The following CCS variants were observed in gnomAD, a reference collection of about 807,000 sequenced individuals.
The protein encoded by CCS is superoxide dismutase copper chaperone.
Under a neutral mutation model 35.5 loss-of-function variants are expected in CCS, and 32 were observed. That is an observed-to-expected ratio of 0.90 (90% CI 0.68 to 1.21). CCS has a LOEUF of 1.21. Among genes scored for constraint, CCS ranks in the 50% most tolerant of loss-of-function variants. The probability of loss-of-function intolerance (pLI) is 0.00; values close to 1 mark genes in which losing one functional copy is unlikely to be tolerated. For synonymous variants in CCS, 130 were observed against 147.2 expected (o/e 0.88, Z 0.84); for missense variants, 342 against 375.4 (o/e 0.91, Z 0.73).
chr11:66,593,202 G>A lies in CCS; in HGVS notation c.-60G>A, dbSNP rs112782649. The A allele has an allele frequency of 8.4e-4, 1,294 of 1,537,484 alleles. 11 individuals carry two copies. In the African/African-American group the frequency reaches 0.016, roughly 19 times the overall value. The stretch of plus-strand genomic sequence containing the variant: ...AGAGGCTCAGTCCCCGCGACGCCGC[G>A]CTGGTTGGTGCTCCTGCGCCGGAGG... On this transcript the variant is annotated 5_prime_UTR_variant, in exon 1 of 8. Coordinates refer to ENST00000533244, the MANE Select transcript of CCS (RefSeq NM_005125.2).
chr11:66,597,248 G>A (rs1305550113), intron 2 of CCS, among the ~76,000 whole-genome samples: 1 of 151,932 alleles, frequency 6.6e-6, no homozygotes, highest in Non-Finnish European at 1.5e-5. Flanking sequence ...CATGAGGTGA[G>A]GAGATCGAGA....
chr11:66,594,965 A>C (rs1007572179), intron 2 of CCS, among the ~76,000 whole-genome samples: 2 of 152,102 alleles, frequency 1.3e-5, no homozygotes, highest in African/African-American at 2.4e-5. Flanking sequence ...GGTGAGAGGG[A>C]ATGAGATAAG....
At chr11:66,601,096 T>C (rs1020700752) in intron 5 of CCS, among the ~76,000 whole-genome samples, 4 of 152,206 alleles carry the variant, frequency 2.6e-5, no homozygotes, top group Admixed American at 1.3e-4. Context: ...TTTGGTTTTT[T>C]TATTTTATTT....
intron 5 of CCS, among the ~76,000 whole-genome samples, chr11:66,603,982 T>G (rs1858611258): frequency 6.6e-6 from 1 of 151,804 alleles, no homozygotes; most frequent in Non-Finnish European, 1.5e-5. Context: ...TGAGCCCAGA[T>G]CGCACCACTG....
rs1858642000 is a variant in CCS, at chr11:66,605,536, T to C, written c.615T>C (p.Asp205=). The change falls in exon 7 of 8, where the codon GAT becomes GAC. Residue 205 remains aspartate, a synonymous_variant. Coordinates refer to ENST00000533244, the MANE Select transcript of CCS (RefSeq NM_005125.2). The stretch of plus-strand genomic sequence containing the variant: ...GCCTGATTATTGATGAGGGAGAAGA[T>C]GACCTGGGCCGGGGAGGCCATCCCT... ...GRSLIIDEGE[D]DLGRGGHPLS... is the part of the protein sequence containing the mutation. 1 of 1,614,052 alleles carries C rather than the reference T, an allele frequency of 6.2e-7. No individual in the cohort carries two copies. Among genetic ancestry groups the C allele is most frequent in the Non-Finnish European group, 8.5e-7 (1 of 1,179,988 alleles).
Position 66,593,640 on chromosome 11 carries a change from A to G in CCS, c.40-2A>G. ...ATCGGTTGGTCCCTGCCGCCCTTGC[A>G]GTTGGAGTTCGCGGTGCAGATGACC... On this transcript the variant is annotated splice_acceptor_variant, in intron 1 of 7. Coordinates refer to ENST00000533244, the MANE Select transcript of CCS (RefSeq NM_005125.2). LOFTEE classifies it high-confidence loss of function. 6.2e-7 allele frequency: 1 copy of G among 1,613,658 alleles called. No individual in the cohort carries two copies. Among genetic ancestry groups the G allele is most frequent in the East Asian group, 2.2e-5 (1 of 44,880 alleles).
chr11:66,605,309 C>T (rs1320452112), intron 5 of CCS, 30 bp from the exon 6 acceptor site: 2 of 1,613,652 alleles, frequency 1.2e-6, no homozygotes, highest in Non-Finnish European at 1.7e-6. Flanking sequence ...TGGCACACAT[C>T]CCCTATACAC....
chr11:66,603,843 C>G (rs549009761), intron 5 of CCS, among the ~76,000 whole-genome samples: 3 of 151,426 alleles, frequency 2.0e-5, no homozygotes, highest in African/African-American at 7.3e-5. Flanking sequence ...AAGACTCCAT[C>G]TCAACAAAAC....
intron 1 of CCS, 51 bp downstream of exon 1, chr11:66,593,351 C>T: frequency 1.4e-6 from 2 of 1,463,988 alleles, no homozygotes; most frequent in South Asian, 1.4e-5. Context: ...AGCCTCGGCC[C>T]CTGGGATGAT....
chr11:66,601,960 C>G (rs1858579553), intron 5 of CCS, among the ~76,000 whole-genome samples: 1 of 151,760 alleles, frequency 6.6e-6, no homozygotes. Flanking sequence ...TCTTGAAGTC[C>G]CAACCTCAAG....
At chr11:66,605,301 G>A (rs756705903) in intron 5 of CCS, 38 bp from the exon 6 acceptor site, 47 of 1,612,888 alleles carry the variant, frequency 2.9e-5, no homozygotes, top group South Asian at 5.5e-5. Flanking sequence ...GCACCACGTG[G>A]CACACATCCC....
chr11:66,593,349 C>A (rs1337362166), intron 1 of CCS, 49 bp downstream of exon 1: 2 of 1,464,714 alleles, frequency 1.4e-6, no homozygotes, highest in Non-Finnish European at 1.8e-6. Flanking sequence ...AGAGCCTCGG[C>A]CCCTGGGATG....
intron 2 of CCS, among the ~76,000 whole-genome samples, chr11:66,596,364 G>A (rs1054817518): frequency 1.3e-5 from 2 of 149,182 alleles, no homozygotes; most frequent in Non-Finnish European, 3.0e-5. Flanking sequence ...ACCACGCCTG[G>A]CCATCTGACA....
intron 2 of CCS, among the ~76,000 whole-genome samples, chr11:66,596,423 A>G (rs1590828260): frequency 7.1e-6 from 1 of 140,962 alleles, no homozygotes; most frequent in African/African-American, 2.7e-5. Flanking sequence ...TCTGTTGCCC[A>G]GGCTGGAGTG....
chr11:66,597,319 G>A (rs560351448), intron 2 of CCS, among the ~76,000 whole-genome samples: 7 of 151,348 alleles, frequency 4.6e-5, no homozygotes, highest in South Asian at 4.2e-4. Context: ...TCAGCTGGGC[G>A]TGATGGCGGG....
intron 2 of CCS, among the ~76,000 whole-genome samples, chr11:66,598,674 A>G: frequency 1.3e-5 from 2 of 151,808 alleles, no homozygotes; most frequent in Non-Finnish European, 2.9e-5. Context: ...ATGTTGTAGC[A>G]TGTATCAGCA....
intron 2 of CCS, among the ~76,000 whole-genome samples, chr11:66,593,957 TGAG>T (rs1858429415): frequency 1.3e-5 from 2 of 152,168 alleles, no homozygotes; most frequent in South Asian, 4.1e-4. Context: ...CCCCAGAGAC[TGAG>T]GAGCTAGGCT....
intron 2 of CCS, 68 bp from the exon 3 acceptor site, chr11:66,599,044 CTGTT>C: frequency 6.3e-7 from 1 of 1,589,590 alleles, no homozygotes; most frequent in Non-Finnish European, 8.6e-7. Flanking sequence ...GAATTGCTGT[CTGTT>C]TTTCTGTTCC....
At chr11:66,604,878 GC>G (rs1858628868) in intron 5 of CCS, among the ~76,000 whole-genome samples, 1 of 152,214 alleles carries the variant, frequency 6.6e-6, no homozygotes, top group Admixed American at 6.5e-5. Flanking sequence ...GGTCAGGGAA[GC>G]CAAGCTTGGC....
Sources: gnomAD v4.1 joint callset for allele counts (sites outside exome capture counted in the v4.1 genomes callset) on GRCh38, gnomAD v4.1.1 for gene constraint, MANE v1.5 for transcripts, NCBI Gene and HGNC (gene_info 2026-07-23, HGNC 2026-07-21) for gene names.